The following ST7 variants were observed in gnomAD, a reference collection of about 807,000 sequenced individuals.
ST7 encodes suppression of tumorigenicity 7, also known as suppressor of tumorigenicity 7 protein.
A neutral mutation model predicts 78.7 loss-of-function variants in ST7; 28 were observed. That is an observed-to-expected ratio of 0.36 (90% confidence interval 0.26 to 0.49). The LOEUF (loss-of-function observed/expected upper bound fraction) is 0.49, where lower values mean the gene tolerates loss of function less well. ST7 is among the 20% of genes least tolerant of loss of function. The pLI is 0.99. For synonymous variants in ST7, 247 were observed against 249.6 expected, an observed-to-expected ratio of 0.99 and a Z score of 0.10; for missense variants, 418 against 696.0, an observed-to-expected ratio of 0.60 and a Z score of 4.49.
chr7:116,960,453 T>C (rs1792768382), intron 1 of ST7, among the ~76,000 whole-genome samples: 2 of 152,120 alleles, frequency 1.3e-5, no homozygotes, highest in Non-Finnish European at 2.9e-5. Flanking sequence ...CCTCCCAGAG[T>C]GCTGGAATTC....
chr7:116,958,576 C>T (rs1233493052), intron 1 of ST7: 4 of 470,414 alleles, frequency 8.5e-6, no homozygotes, highest in Non-Finnish European at 1.8e-5. Flanking sequence ...GTAAATCCCA[C>T]CCATCTATCA....
At chr7:117,181,361 C>T (rs1214344224) in intron 10 of ST7, among the ~76,000 whole-genome samples, 2 of 152,166 alleles carry the variant, frequency 1.3e-5, no homozygotes, top group Non-Finnish European at 2.9e-5. Flanking sequence ...GCAGGTATCA[C>T]ACTAACATTA....
intron 1 of ST7, among the ~76,000 whole-genome samples, chr7:117,035,651 T>C (rs2116232473): frequency 6.6e-6 from 1 of 152,324 alleles, no homozygotes; most frequent in African/African-American, 2.4e-5. Flanking sequence ...ATCTCCATTA[T>C]AACCACTGCT....
intron 9 of ST7, among the ~76,000 whole-genome samples, chr7:117,142,949 G>T (rs1805448945): frequency 6.6e-6 from 1 of 152,076 alleles, no homozygotes; most frequent in Non-Finnish European, 1.5e-5. Context: ...TTAGGAGTCT[G>T]GGCTTCCCTT....
intron 1 of ST7, among the ~76,000 whole-genome samples, chr7:116,974,203 T>C (rs977806785): frequency 6.6e-6 from 1 of 152,200 alleles, no homozygotes; most frequent in Admixed American, 6.5e-5. Context: ...AAATTCTTTG[T>C]ATGATGATCT....
intron 1 of ST7, among the ~76,000 whole-genome samples, chr7:117,035,323 A>C (rs1041250194): frequency 1.3e-5 from 2 of 152,122 alleles, no homozygotes; most frequent in Non-Finnish European, 2.9e-5. Context: ...TGGAACAATA[A>C]TTCAGGGATG....
intron 1 of ST7, among the ~76,000 whole-genome samples, chr7:116,984,123 G>GTT (rs34919299): frequency 1.3e-5 from 2 of 151,210 alleles, no homozygotes; most frequent in African/African-American, 4.9e-5. Flanking sequence ...CTGTGTGTGT[G>GTT]TGTGTGTGTG....
chr7:117,210,100 G>A (rs933694226), intron 13 of ST7, among the ~76,000 whole-genome samples, 163 bp downstream of exon 13: 10 of 152,314 alleles, frequency 6.6e-5, no homozygotes, highest in Admixed American at 3.9e-4. Context: ...CCCATCCCCC[G>A]GTGGTGGTGG....
At chr7:117,215,225 T>A (rs1006158834) in intron 13 of ST7, among the ~76,000 whole-genome samples, 3 of 152,148 alleles carry the variant, frequency 2.0e-5, no homozygotes, top group African/African-American at 7.2e-5. Flanking sequence ...ACTTTTGAAT[T>A]TTCTTTATTG....
chr7:117,185,910 G>A (rs1256639024), intron 10 of ST7, among the ~76,000 whole-genome samples: 2 of 152,238 alleles, frequency 1.3e-5, no homozygotes, highest in Admixed American at 6.5e-5. Flanking sequence ...GCGACAGAGC[G>A]AGACTCTGTC....
At chr7:117,156,437 T>G (rs1806692532) in intron 9 of ST7, among the ~76,000 whole-genome samples, 2 of 152,200 alleles carry the variant, frequency 1.3e-5, no homozygotes, top group South Asian at 4.1e-4. Context: ...GGCATTGTGC[T>G]TGTGTCATGT....
At chr7:116,974,395 C>G (rs1048726604) in intron 1 of ST7, among the ~76,000 whole-genome samples, 4 of 151,646 alleles carry the variant, frequency 2.6e-5, no homozygotes, top group Admixed American at 6.6e-5. Flanking sequence ...TCACGACATT[C>G]TCCTTCCTGC....
At position 117,098,754 on chromosome 7, in the gene ST7, A is replaced by T. The variant is rs1027174636; in HGVS notation, c.152-1008A>T. 7.6e-5 allele frequency: 98 copies of T among 1,297,692 alleles called. No homozygotes were observed. In the Admixed American group the frequency reaches 2.2e-3, roughly 29 times the overall value. The allele number at this position is 1,297,692 out of a possible 1,614,324, so 80.4% of individuals were successfully genotyped here. ...AGCCCTACTTCTAAAACCAGACTGG[A>T]TGTGATTCCCTTCTACAAACAGATT... is the stretch of plus-strand genomic sequence containing the variant. On this transcript the variant is annotated intron_variant, in intron 1 of 15. Transcript: ENST00000323984.
intron 9 of ST7, among the ~76,000 whole-genome samples, chr7:117,155,459 T>A (rs1806613801): frequency 6.6e-6 from 1 of 152,150 alleles, no homozygotes; most frequent in Non-Finnish European, 1.5e-5. Flanking sequence ...AGAGCAGGAA[T>A]GGAGGCAGGA....
intron 1 of ST7, among the ~76,000 whole-genome samples, chr7:117,064,303 T>C (rs2116462970): frequency 6.6e-6 from 1 of 152,328 alleles, no homozygotes; most frequent in East Asian, 1.9e-4. Context: ...ATGTAATTAT[T>C]ATGAAAAGTC....
chr7:117,160,921 A>G (rs1187743275), intron 9 of ST7, among the ~76,000 whole-genome samples: 1 of 152,152 alleles, frequency 6.6e-6, no homozygotes, highest in East Asian at 1.9e-4. Flanking sequence ...TCTGTCAGTG[A>G]ACCTACTCTC....
intron 2 of ST7, among the ~76,000 whole-genome samples, chr7:117,116,467 G>A (rs1273374095): frequency 1.3e-5 from 2 of 152,152 alleles, no homozygotes; most frequent in Non-Finnish European, 2.9e-5. Flanking sequence ...TTAAAATACT[G>A]TGAGGTGCTC....
intron 13 of ST7, among the ~76,000 whole-genome samples, chr7:117,211,847 A>T (rs1056288873): frequency 3.9e-5 from 6 of 152,198 alleles, no homozygotes; most frequent in African/African-American, 1.2e-4. Context: ...CTACAAAGTC[A>T]AGCAGAATAG....
At chr7:117,033,492 TG>T (rs1349286755) in intron 1 of ST7, among the ~76,000 whole-genome samples, 1 of 151,976 alleles carries the variant, frequency 6.6e-6, no homozygotes, top group Non-Finnish European at 1.5e-5. Context: ...AGTGCAATCT[TG>T]GCTCACTGCA....
Sources: gnomAD v4.1 joint callset for allele counts (sites outside exome capture counted in the v4.1 genomes callset) on GRCh38, gnomAD v4.1.1 for gene constraint, MANE v1.5 for transcripts, NCBI Gene and HGNC (gene_info 2026-07-23, HGNC 2026-07-21) for gene names.